Variants in FRMD4A observed in about 807,000 individuals in gnomAD.
FRMD4A encodes FERM domain containing 4A, also known as FERM domain-containing protein 4A.
In FRMD4A, 29 loss-of-function variants were observed where a neutral mutation model predicts 129.1. That is an observed-to-expected ratio of 0.22 (90% CI 0.17 to 0.31). The LOEUF is 0.31. Ranked by LOEUF, FRMD4A falls within the 10% of genes least tolerant of loss-of-function variation. FRMD4A has a pLI of 1.00. For missense variants in FRMD4A, 1,272 were observed against 1,375.8 expected (o/e 0.92, Z 1.19); for synonymous variants, 634 against 571.6 (o/e 1.11, Z -1.56).
intron 23 of FRMD4A, chr10:13,654,072 C>T: frequency 2.2e-6 from 1 of 453,774 alleles, no homozygotes; most frequent in Non-Finnish European, 3.9e-6. Context: ...ACATTCTTGC[C>T]TGGCATTTTG....
chr10:14,021,245 T>A (rs1321421204), intron 2 of FRMD4A, among the ~76,000 whole-genome samples: 2 of 151,974 alleles, frequency 1.3e-5, no homozygotes, highest in East Asian at 3.9e-4. Context: ...AATCTTTATA[T>A]AAAAGCTGGG....
chr10:13,936,737 A>G (rs1360333672), intron 2 of FRMD4A, among the ~76,000 whole-genome samples: 1 of 152,186 alleles, frequency 6.6e-6, no homozygotes, highest in East Asian at 1.9e-4. Flanking sequence ...TCTATTATAC[A>G]AGCCTGAATA....
intron 2 of FRMD4A, among the ~76,000 whole-genome samples, chr10:14,309,034 A>C (rs1846447468): frequency 1.3e-5 from 2 of 152,206 alleles, no homozygotes; most frequent in Non-Finnish European, 2.9e-5. Flanking sequence ...GTTTTTGTTG[A>C]AAAAATAAAA....
intron 3 of FRMD4A, among the ~76,000 whole-genome samples, chr10:13,848,604 GTGTACGTGTGTGTGTGTGTGT>G (rs2094091053): frequency 9.8e-6 from 1 of 101,822 alleles, no homozygotes; most frequent in Non-Finnish European, 2.2e-5. Context: ...GAGTGTGTGT[GTGTACGTGTGTGTGTGTGTGT>G]GTGTGTGTGT....
rs558508564 is a variant in FRMD4A at position 14,031,468 on chromosome 10, A to G, written c.46-172556T>C. On this transcript the variant is annotated intron_variant, in intron 2 of 24. Coordinates refer to ENST00000357447, the MANE Select transcript of FRMD4A (RefSeq NM_018027.5). Reference sequence around the variant, plus strand: ...TTTTTAGTAGAGATGGGGGTTCACCATGTTGGTCAGGCTGGTCTTGAACTC... The same window carrying G: ...TTTTTAGTAGAGATGGGGGTTCACCGTGTTGGTCAGGCTGGTCTTGAACTC... Among the ~76,000 whole-genome samples, 111 of 152,142 alleles carry G rather than the reference A, an allele frequency of 7.3e-4. 1 individual carries two copies. Among genetic ancestry groups the G allele is most frequent in the African/African-American group, 2.6e-3 (106 of 41,538 alleles).
chr10:13,811,571 C>CA (rs11361577), intron 3 of FRMD4A, among the ~76,000 whole-genome samples: 1,501 of 136,304 alleles, frequency 0.011, 27 homozygotes, highest in East Asian at 0.018. Flanking sequence ...GACTCTGCCT[C>CA]AAAAAAAAAA....
intron 3 of FRMD4A, among the ~76,000 whole-genome samples, chr10:13,824,718 C>G (rs1286596044): frequency 6.6e-6 from 1 of 151,588 alleles, no homozygotes; most frequent in Non-Finnish European, 1.5e-5. Context: ...AATGGGGAAA[C>G]CCCGTCTCTA....
chr10:14,099,435 C>A (rs537159548), intron 2 of FRMD4A, among the ~76,000 whole-genome samples: 12 of 152,190 alleles, frequency 7.9e-5, no homozygotes, highest in Non-Finnish European at 1.6e-4. Flanking sequence ...TAAGTGTGTA[C>A]GTGCATAGCC....
At chr10:14,246,100 C>T (rs1047431910) in intron 2 of FRMD4A, among the ~76,000 whole-genome samples, 1 of 152,130 alleles carries the variant, frequency 6.6e-6, no homozygotes, top group African/African-American at 2.4e-5. Flanking sequence ...GCTCCCATTC[C>T]CAAAGACTGA....
chr10:13,945,842 T>C (rs1588471592), intron 2 of FRMD4A, among the ~76,000 whole-genome samples: 1 of 152,340 alleles, frequency 6.6e-6, no homozygotes, highest in East Asian at 1.9e-4. Context: ...CCCCAGGAAG[T>C]GATCCTTCAT....
chr10:14,160,625 G>A (rs566597524), intron 2 of FRMD4A, among the ~76,000 whole-genome samples: 1 of 152,232 alleles, frequency 6.6e-6, no homozygotes, highest in African/African-American at 2.4e-5. Context: ...TTAAAATGTG[G>A]GCAAAGGATC....
intron 9 of FRMD4A, among the ~76,000 whole-genome samples, chr10:13,742,891 C>G (rs546695101): frequency 1.1e-4 from 16 of 152,064 alleles, no homozygotes; most frequent in African/African-American, 3.6e-4. Flanking sequence ...TCAGTTTTAG[C>G]AAGGCCAGTG....
intron 2 of FRMD4A, among the ~76,000 whole-genome samples, chr10:14,090,842 GT>G (rs1170197992): frequency 2.6e-5 from 4 of 152,146 alleles, no homozygotes; most frequent in African/African-American, 9.7e-5. Flanking sequence ...TTAATTTTAT[GT>G]TTGTTTTTAT....
chr10:13,969,783 G>C (rs1809740733), intron 2 of FRMD4A, among the ~76,000 whole-genome samples: 1 of 152,172 alleles, frequency 6.6e-6, no homozygotes, highest in African/African-American at 2.4e-5. Context: ...GGAGGTTGAG[G>C]CTGCAATGAG....
At chr10:14,323,004 T>G (rs1397320775) in intron 2 of FRMD4A, among the ~76,000 whole-genome samples, 1 of 152,178 alleles carries the variant, frequency 6.6e-6, no homozygotes, top group Non-Finnish European at 1.5e-5. Context: ...TCATCTCCCT[T>G]CAAAGGGTAA....
chr10:13,802,331 C>T (rs1371510129), intron 4 of FRMD4A, among the ~76,000 whole-genome samples: 1 of 152,166 alleles, frequency 6.6e-6, no homozygotes, highest in Non-Finnish European at 1.5e-5. Context: ...TATCTGAATC[C>T]GTCACTTTCC....
At chr10:14,078,374 A>G (rs183399307) in intron 2 of FRMD4A, among the ~76,000 whole-genome samples, 1 of 152,350 alleles carries the variant, frequency 6.6e-6, no homozygotes, top group Admixed American at 6.5e-5. Context: ...CAACAGGCTC[A>G]AGGCTATTGG....
intron 2 of FRMD4A, among the ~76,000 whole-genome samples, chr10:14,200,770 A>G (rs1230883852): frequency 6.6e-6 from 1 of 152,112 alleles, no homozygotes; most frequent in Non-Finnish European, 1.5e-5. Context: ...CAGCCCTTCC[A>G]GGCGCTTTTT....
intron 2 of FRMD4A, among the ~76,000 whole-genome samples, chr10:14,045,193 C>G (rs1036569379): frequency 1.3e-5 from 2 of 152,162 alleles, no homozygotes; most frequent in Non-Finnish European, 2.9e-5. Flanking sequence ...CCTGGCCATT[C>G]CCTGGTCCTT....
Sources: allele counts gnomAD v4.1 joint callset (sites outside exome capture counted in the v4.1 genomes callset), GRCh38; gene constraint gnomAD v4.1.1; transcripts MANE v1.5; gene names NCBI Gene and HGNC (gene_info 2026-07-23, HGNC 2026-07-21).